Variants in RAPGEF3 observed in about 807,000 individuals in gnomAD.
RAPGEF3 encodes the protein Rap guanine nucleotide exchange factor 3, also known as 9330170P05Rik.
Under a neutral mutation model 129.8 loss-of-function variants are expected in RAPGEF3, and 103 were observed. The observed-to-expected ratio is 0.79, with a 90% CI of 0.68 to 0.93. The LOEUF is 0.93. Ranked by LOEUF, RAPGEF3 falls within the 40% of genes least tolerant of loss-of-function variation. The probability of loss-of-function intolerance (pLI) is 0.00; values close to 1 mark genes in which losing one functional copy is unlikely to be tolerated. For synonymous variants in RAPGEF3, 436 were observed against 482.6 expected, an observed-to-expected ratio of 0.90 and a Z score of 1.26; for missense variants, 1,117 against 1,207.4, an observed-to-expected ratio of 0.93 and a Z score of 1.11.
At chr12:47,739,872 A>G (rs1482222181) in intron 23 of RAPGEF3, 2 of 555,570 alleles carry the variant, frequency 3.6e-6, no homozygotes, top group Non-Finnish European at 3.2e-6. Flanking sequence ...GCTCCAGCCC[A>G]GTCTTCACAC....
chr12:47,740,189 C>A lies in RAPGEF3; in HGVS notation c.2325G>T (p.Arg775=). The change falls in exon 23 of 28, where the codon CGG becomes CGT. Residue 775 remains arginine (R), a splice_region_variant and synonymous_variant. Transcript: ENST00000449771. ...ACAGCTTCCGGACTTTGTGAGGCAGCCGCTGTGAAAAGGAGGCAGATGAGC... is the reference window on the plus strand; with the variant it reads ...ACAGCTTCCGGACTTTGTGAGGCAGACGCTGTGAAAAGGAGGCAGATGAGC... ...AISRLAHTWE[R]LPHKVRKLYS... is the part of the protein sequence containing the mutation. 6.2e-7 allele frequency: 1 copy of A among 1,613,700 alleles called. No homozygotes were observed. Among genetic ancestry groups the A allele is most frequent in the Non-Finnish European group, 8.5e-7 (1 of 1,179,876 alleles).
At chr12:47,740,890 C>T (rs757961477) in intron 20 of RAPGEF3, 25 bp downstream of exon 20, 82 of 1,613,728 alleles carry the variant, frequency 5.1e-5, no homozygotes, top group Non-Finnish European at 6.4e-5. Context: ...CGCCTGCTCT[C>T]CTCCCCCAGC....
At chr12:47,757,799 C>A in intron 2 of RAPGEF3, 67 bp downstream of exon 2, 2 of 1,430,518 alleles carry the variant, frequency 1.4e-6, no homozygotes, top group Non-Finnish European at 1.9e-6. Context: ...GCATGCCAAG[C>A]CATGATCTAG....
chr12:47,758,479 A>C, intron 1 of RAPGEF3, 72 bp downstream of exon 1: 1 of 1,586,586 alleles, frequency 6.3e-7, no homozygotes, highest in South Asian at 1.1e-5. Context: ...CTCCCACCCA[A>C]ACTCCCCACC....
intron 17 of RAPGEF3, 148 bp from the exon 18 acceptor site, chr12:47,743,824 G>A: frequency 2.2e-6 from 3 of 1,370,112 alleles, no homozygotes; most frequent in Admixed American, 2.0e-5. Flanking sequence ...GAGGCAGGTA[G>A]GAGGCAGATC....
rs555366844 is a variant in RAPGEF3 at position 47,737,462 on chromosome 12, C to T, written c.*105G>A. On this transcript the variant is annotated 3_prime_UTR_variant, in exon 28 of 28. Transcript: ENST00000449771. ...GCTCCAGGGACTCGAGTCCACTCCA[C>T]GGAGAGCCTTGCCCAGCTGTGGCCA... 21 of 994,788 alleles carry T rather than the reference C, an allele frequency of 2.1e-5. No homozygotes were observed. Among genetic ancestry groups the T allele is most frequent in the Non-Finnish European group, 2.7e-5 (18 of 669,134 alleles). The allele number at this position is 994,788 out of a possible 1,614,324, so 61.6% of individuals were successfully genotyped here. A position where few individuals can be genotyped will look rare whatever the true frequency, so the allele number is the denominator to read the frequency against.
chr12:47,750,910 G>A (rs772048291), intron 6 of RAPGEF3, 138 bp downstream of exon 6: 14 of 1,265,202 alleles, frequency 1.1e-5, no homozygotes, highest in South Asian at 1.4e-5. Flanking sequence ...GGCAGTCAGC[G>A]CCAGGGGCTT....
intron 2 of RAPGEF3, chr12:47,753,929 GC>G (rs1390699382): frequency 1.3e-5 from 2 of 152,334 alleles, no homozygotes; most frequent in Admixed American, 1.3e-4. Flanking sequence ...TCAGAGAATG[GC>G]CCTAGTCCAT....
rs745692594 is a variant in RAPGEF3 at position 47,751,411 on chromosome 12, C to T, written c.490G>A (p.Ala164Thr). 6.2e-7 allele frequency: 1 copy of T among 1,614,074 alleles called. No individual in the cohort carries two copies. The highest frequency in any genetic ancestry group is 1.7e-5 in the Admixed American group (1 of 60,028). The change falls in exon 5 of 28, where the codon GCC becomes ACC. Residue 164 changes from alanine (A) to threonine (T), a missense_variant. Physicochemically the swap from Ala to Thr is moderately conservative, Grantham distance 58. Coordinates refer to ENST00000449771, the MANE Select transcript of RAPGEF3 (RefSeq NM_001098531.4). ...GGCTCGGGCTCACCATGGCAGAGGG[C>T]ACCTTCATCCAGCAGCACCTGGCAG... ...GICQVLLDEGALCHVKHDWAF... is the reference protein window; with the variant it reads ...GICQVLLDEGTLCHVKHDWAF...
chr12:47,747,849 G>T lies in RAPGEF3; in HGVS notation c.1336C>A (p.Pro446Thr), dbSNP rs374818101. The part of the protein sequence containing the change: ...AALLHHFHVE[P>T]AGGSEQERST... ...CGCTCCTGCTCGCTGCCACCCGCAG[G>T]CTCCACATGGAAGGTGGGCACCAGT... Residue 446 changes from proline to threonine, a missense_variant, in exon 14 of 28, where the codon CCT (proline) becomes ACT (threonine). Pro to Thr is a conservative substitution (Grantham distance 38). This residue lies in a region of RAPGEF3 where 643 missense variants were observed against 673.4 expected (regional missense o/e 0.95). Transcript: ENST00000449771. 6.2e-7 allele frequency: 1 copy of T among 1,603,580 alleles called. No individual in the cohort carries two copies. The highest frequency in any genetic ancestry group is 1.1e-5 in the South Asian group (1 of 91,078).
chr12:47,748,409 C>G, intron 12 of RAPGEF3, 45 bp downstream of exon 12: 1 of 1,553,722 alleles, frequency 6.4e-7, no homozygotes, highest in Non-Finnish European at 8.9e-7. Flanking sequence ...GCTCCATGGA[C>G]CACCCAATGA....
At chr12:47,738,782 G>C in intron 24 of RAPGEF3, 28 bp from the exon 25 acceptor site, 1 of 1,578,806 alleles carries the variant, frequency 6.3e-7, no homozygotes, top group Middle Eastern at 1.7e-4. Flanking sequence ...TTGTTCATAG[G>C]TCCCCAAACT....
At chr12:47,743,160 T>TC (rs1417306029) in intron 18 of RAPGEF3, among the ~76,000 whole-genome samples, 1 of 152,226 alleles carries the variant, frequency 6.6e-6, no homozygotes, top group East Asian at 1.9e-4. Flanking sequence ...CGGGCACCAT[T>TC]CTAAATGCTT....
At chr12:47,746,716 C>T (rs1372275952) in intron 16 of RAPGEF3, 144 bp downstream of exon 16, 3 of 983,914 alleles carry the variant, frequency 3.0e-6, no homozygotes, top group Non-Finnish European at 4.8e-6. Context: ...CAGCAAGGGC[C>T]CCGTGAACAC....
rs759717114 is a variant in RAPGEF3 at position 47,740,815 on chromosome 12, C to G, written c.2058G>C (p.Leu686=). The G allele has an allele frequency of 6.2e-7, 1 of 1,613,882 alleles. No individual in the cohort carries two copies. Among genetic ancestry groups the G allele is most frequent in the East Asian group, 2.2e-5 (1 of 44,878 alleles). ...SLFNSIHQVE[L]IHYVLGPQHL... ...GCTGGGGGCCCAGCACATAGTGGATCAGCTCCACCTGGGTGGGGTCAGCAG... is the reference window on the plus strand; with the variant it reads ...GCTGGGGGCCCAGCACATAGTGGATGAGCTCCACCTGGGTGGGGTCAGCAG... Residue 686 remains leucine (L), a synonymous_variant, in exon 21 of 28, where the codon CTG becomes CTC. Coordinates refer to ENST00000449771, the MANE Select transcript of RAPGEF3 (RefSeq NM_001098531.4).
chr12:47,758,572 C>G lies in RAPGEF3; in HGVS notation c.-16G>C. 1 of 1,613,958 alleles carries G rather than the reference C, an allele frequency of 6.2e-7. No homozygotes were observed. The highest frequency in any genetic ancestry group is 8.5e-7 in the Non-Finnish European group (1 of 1,179,920). ...CCACCTTCATGTTTCTTTTCAAGCT[C>G]GCACAGCCGTGCAGGCTCTAGCAAA... On this transcript the variant is annotated 5_prime_UTR_variant, in exon 1 of 28. Coordinates refer to ENST00000449771, the MANE Select transcript of RAPGEF3 (RefSeq NM_001098531.4).
chr12:47,754,988 G>A (rs1315315520), intron 2 of RAPGEF3, among the ~76,000 whole-genome samples: 1 of 152,232 alleles, frequency 6.6e-6, no homozygotes, highest in African/African-American at 2.4e-5. Context: ...ACAGCCTGGG[G>A]ACCTGTCAGA....
intron 12 of RAPGEF3, 85 bp from the exon 13 acceptor site, chr12:47,748,237 TC>T: frequency 8.4e-7 from 1 of 1,192,538 alleles, no homozygotes; most frequent in Non-Finnish European, 1.2e-6. Flanking sequence ...GAAGGACCCT[TC>T]CCCACATCCC....
In RAPGEF3 at chr12:47,749,984, G is replaced by T; in HGVS notation, c.763C>A (p.Arg255=). 6.2e-7 allele frequency: 1 copy of T among 1,614,234 alleles called. No homozygotes were observed. The highest frequency in any genetic ancestry group is 1.1e-5 in the South Asian group (1 of 91,080). ...AVAHLSNSVK[R]ELAAVLLFEP... ...AAGAGCAGAACAGCCGCTAATTCTCGCTTCACCTGTGTGGTGGAGATAGGA... is the reference window on the plus strand; with the variant it reads ...AAGAGCAGAACAGCCGCTAATTCTCTCTTCACCTGTGTGGTGGAGATAGGA... The change falls in exon 8 of 28, where the codon CGA becomes AGA. Residue 255 remains arginine (R), a synonymous_variant. Coordinates refer to ENST00000449771, the MANE Select transcript of RAPGEF3 (RefSeq NM_001098531.4). The surrounding 1 kb of genome is among the most constrained non-coding windows in gnomAD (Gnocchi z 4.5).
Sources: allele counts gnomAD v4.1 joint callset (sites outside exome capture counted in the v4.1 genomes callset), GRCh38; gene constraint gnomAD v4.1.1; regional missense constraint gnomAD v4.1.1; non-coding constraint Gnocchi (gnomAD v3.1); transcripts MANE v1.5; gene names NCBI Gene and HGNC (gene_info 2026-07-23, HGNC 2026-07-21).